DLGAP3: variants seen among roughly 807,000 people sequenced by gnomAD.
DLGAP3 encodes disks large-associated protein 3.
In DLGAP3, 17 loss-of-function variants were observed where a neutral mutation model predicts 81.2. The observed-to-expected ratio is 0.21, with a 90% CI of 0.14 to 0.31. The LOEUF (loss-of-function observed/expected upper bound fraction) is 0.31, where lower values mean the gene tolerates loss of function less well. DLGAP3 is among the 10% of genes least tolerant of loss of function. The pLI is 1.00. For synonymous variants in DLGAP3, 577 were observed against 587.4 expected, an observed-to-expected ratio of 0.98 and a Z score of 0.26; for missense variants, 1,124 against 1,388.0, an observed-to-expected ratio of 0.81 and a Z score of 3.02.
Position 34,900,205 on chromosome 1 carries a change from C to A in DLGAP3, c.1176G>T (p.Met392Ile). The change falls in exon 4 of 12, where the codon ATG (methionine) becomes ATT (isoleucine). Residue 392 changes from methionine (M) to isoleucine (I), a missense_variant. Met to Ile is a conservative substitution (Grantham distance 10, BLOSUM62 1). Coordinates refer to ENST00000373347, the MANE Select transcript of DLGAP3 (RefSeq NM_001080418.3). The surrounding 1 kb of genome is among the most constrained non-coding windows in gnomAD (Gnocchi z 5.6). ...TGGCTTTGATGTAGCTGCCGCTCCGCATCCTGCGGCAGGGGATCTCCCCAT... is the reference window on the plus strand; with the variant it reads ...TGGCTTTGATGTAGCTGCCGCTCCGAATCCTGCGGCAGGGGATCTCCCCAT... ...GKDGEIPCRR[M>I]RSGSYIKAMG... 1 of 1,614,146 alleles carries A rather than the reference C, an allele frequency of 6.2e-7. No homozygotes were observed. The highest frequency in any genetic ancestry group is 8.5e-7 in the Non-Finnish European group (1 of 1,180,018).
At chr1:34,920,747 G>A (rs936928098) in intron 1 of DLGAP3, among the ~76,000 whole-genome samples, 6 of 151,986 alleles carry the variant, frequency 3.9e-5, no homozygotes, top group East Asian at 1.9e-4. Flanking sequence ...AATATGTATC[G>A]ACTGCCTACT....
chr1:34,895,359 C>A lies in DLGAP3; in HGVS notation c.1386+4310G>T, dbSNP rs1284047491. Reference sequence around the variant, plus strand: ...CTCCTACCTGGGCGACAGAGCGAGACTGTCTCAAAAAAAAAAAAAAATTAA... The same window carrying A: ...CTCCTACCTGGGCGACAGAGCGAGAATGTCTCAAAAAAAAAAAAAAATTAA... On this transcript the variant is annotated intron_variant, in intron 5 of 11. Coordinates refer to ENST00000373347, the MANE Select transcript of DLGAP3 (RefSeq NM_001080418.3). The surrounding 1 kb of genome is among the most constrained non-coding windows in gnomAD (Gnocchi z 4.5). Among the ~76,000 whole-genome samples the A allele has an allele frequency of 5.6e-5, 8 of 143,834 alleles. No homozygotes were observed. Among genetic ancestry groups the A allele is most frequent in the Non-Finnish European group, 9.0e-5 (6 of 66,746 alleles). The allele number at this position is 143,834 out of a possible 152,430, so 94.4% of individuals were successfully genotyped here. A position where few individuals can be genotyped will look rare whatever the true frequency, so the allele number is the denominator to read the frequency against.
Position 34,868,713 on chromosome 1 carries a change from G to A in DLGAP3, c.2377C>T (p.Arg793Cys), listed in dbSNP as rs755600491. The A allele has an allele frequency of 8.7e-6, 14 of 1,610,674 alleles. No individual in the cohort carries two copies. The highest frequency in any genetic ancestry group is 4.0e-5 in the African/African-American group (3 of 74,932). Reference protein sequence around the residue: ...PDSGRASPCPRDGEWFIKMLR... With the variant: ...PDSGRASPCPCDGEWFIKMLR... The stretch of plus-strand genomic sequence containing the variant: ...ATCTTGATGAACCACTCGCCGTCGC[G>A]TGGGCAGGGGGATGCGCGGCCTGAG... Residue 793 changes from arginine (R) to cysteine (C), a missense_variant, in exon 9 of 12, where the codon CGC becomes TGC. Physicochemically the swap from Arg to Cys is radical, Grantham distance 180. Around this residue, in one of 9 missense-constraint regions of DLGAP3, gnomAD observed 379 missense variants for 455.7 expected, o/e 0.83. Transcript: ENST00000373347. This position sits in a 1 kb window ranked among gnomAD's most constrained non-coding sequence, Gnocchi z 7.5.
chr1:34,870,975 C>G (rs1314743717), intron 8 of DLGAP3, among the ~76,000 whole-genome samples: 1 of 152,200 alleles, frequency 6.6e-6, no homozygotes, highest in Non-Finnish European at 1.5e-5. Context: ...ACATATACAT[C>G]TAAAAATACA....
chr1:34,880,380 A>G (rs1352498122), intron 8 of DLGAP3, among the ~76,000 whole-genome samples: 1 of 152,200 alleles, frequency 6.6e-6, no homozygotes, highest in Admixed American at 6.5e-5. Flanking sequence ...AAAATATACA[A>G]ACCTCAGGCA....
At chr1:34,886,470 T>G (rs1405036531) in intron 5 of DLGAP3, among the ~76,000 whole-genome samples, 185 bp from the exon 6 acceptor site, 2 of 152,218 alleles carry the variant, frequency 1.3e-5, no homozygotes, top group Non-Finnish European at 2.9e-5. Flanking sequence ...TGCCCCACTC[T>G]GCTCCCAAGG....
chr1:34,890,617 G>T (rs1312343988), intron 5 of DLGAP3, among the ~76,000 whole-genome samples: 2 of 152,204 alleles, frequency 1.3e-5, no homozygotes, highest in Non-Finnish European at 2.9e-5. Flanking sequence ...GAGTAGCCCT[G>T]TAGTGAGTCT....
Position 34,866,289 on chromosome 1 carries a change from CCTT to C in DLGAP3, c.2731_2733del (p.Lys911del), listed in dbSNP as rs771547387. 5.2e-6 allele frequency: 8 copies of C among 1,526,766 alleles called. No homozygotes were observed. In the East Asian group the frequency reaches 9.8e-5, roughly 19 times the overall value. 94.6% of individuals were successfully genotyped at this position (1,526,766 alleles called of 1,614,324 possible). ...GGCTTCTTTGGTATCGGCGGAGGGA[CCTT>C]CTTCTCCTCCTGCGGGGCAGAGGGC... On this transcript the variant is annotated inframe_deletion, in exon 12 of 12. Coordinates refer to ENST00000373347, the MANE Select transcript of DLGAP3 (RefSeq NM_001080418.3).
chr1:34,910,321 T>A (rs535586793), intron 1 of DLGAP3, among the ~76,000 whole-genome samples: 2 of 152,348 alleles, frequency 1.3e-5, no homozygotes, highest in African/African-American at 4.8e-5. Flanking sequence ...CCTGCCTGCA[T>A]GTCTGCACGT....
chr1:34,925,185 C>A (rs973163391), intron 1 of DLGAP3, among the ~76,000 whole-genome samples: 1 of 98,920 alleles, frequency 1.0e-5, no homozygotes, highest in Non-Finnish European at 1.7e-5. Flanking sequence ...ACCTGACAAC[C>A]CCCCCCCCAC....
intron 8 of DLGAP3, among the ~76,000 whole-genome samples, chr1:34,882,064 A>AGAG (rs1463492277): frequency 6.6e-6 from 1 of 152,210 alleles, no homozygotes; most frequent in Non-Finnish European, 1.5e-5. Flanking sequence ...TTCACAGAAA[A>AGAG]ATAACTGACT....
At position 34,905,407 on chromosome 1, in the gene DLGAP3, G is replaced by C. The variant is rs1276482605; in HGVS notation, c.-24C>G. ...ATGGCCTCAGCAAAGGCTCTTCATA[G>C]TCTTGGGGGCCAGGCCCCAGGAACC... On this transcript the variant is annotated 5_prime_UTR_variant, in exon 3 of 12. Coordinates refer to ENST00000373347, the MANE Select transcript of DLGAP3 (RefSeq NM_001080418.3). The C allele has an allele frequency of 6.5e-7, 1 of 1,540,558 alleles. No homozygotes were observed. The highest frequency in any genetic ancestry group is 1.4e-5 in the African/African-American group (1 of 72,580).
In DLGAP3 at chr1:34,905,420, G is replaced by A; in HGVS notation, c.-37C>T. The A allele has an allele frequency of 6.5e-7, 1 of 1,528,572 alleles. No homozygotes were observed. The allele number at this position is 1,528,572 out of a possible 1,614,324, so 94.7% of individuals were successfully genotyped here. ...AGGCTCTTCATAGTCTTGGGGGCCA[G>A]GCCCCAGGAACCTCCTGGAAAAATA... On this transcript the variant is annotated 5_prime_UTR_variant, in exon 3 of 12. Transcript: ENST00000373347.
chr1:34,869,459 G>C (rs1638945187), intron 8 of DLGAP3, among the ~76,000 whole-genome samples: 2 of 150,448 alleles, frequency 1.3e-5, no homozygotes, highest in Non-Finnish European at 3.0e-5. Flanking sequence ...CTCTTTACCA[G>C]TGAAGGCAGA....
intron 7 of DLGAP3, 23 bp downstream of exon 7, chr1:34,885,455 G>A: frequency 6.2e-7 from 1 of 1,603,758 alleles, no homozygotes. Context: ...CAGAGCCCTC[G>A]TGGGCGCCTC....
Position 34,886,203 on chromosome 1 carries a change from A to C in DLGAP3, c.1469T>G (p.Leu490Arg). 1 of 1,611,454 alleles carries C rather than the reference A, an allele frequency of 6.2e-7. No homozygotes were observed. The change falls in exon 6 of 12, where the codon CTG (leucine) becomes CGG (arginine). Residue 490 changes from leucine (L) to arginine (R), a missense_variant. Leu to Arg is a moderately radical substitution (Grantham distance 102). Around this residue, in one of 9 missense-constraint regions of DLGAP3, gnomAD observed 357 missense variants for 408.8 expected, o/e 0.87. Coordinates refer to ENST00000373347, the MANE Select transcript of DLGAP3 (RefSeq NM_001080418.3). ...CATGCGGAAACAGCCGGGCAGGTCCAGGGCGTCCACGGCCTGGGACTCCAG... is the reference window on the plus strand; with the variant it reads ...CATGCGGAAACAGCCGGGCAGGTCCCGGGCGTCCACGGCCTGGGACTCCAG... Reference protein sequence around the residue: ...GELESQAVDALDLPGCFRMRS... With the variant: ...GELESQAVDARDLPGCFRMRS...
intron 8 of DLGAP3, among the ~76,000 whole-genome samples, chr1:34,884,167 C>T (rs1639185000): frequency 6.6e-6 from 1 of 152,078 alleles, no homozygotes; most frequent in East Asian, 1.9e-4. Context: ...GATCCACCCA[C>T]CCTGGCCTTC....
At chr1:34,924,033 T>A (rs1311030166) in intron 1 of DLGAP3, among the ~76,000 whole-genome samples, 1 of 152,148 alleles carries the variant, frequency 6.6e-6, no homozygotes, top group Non-Finnish European at 1.5e-5. Flanking sequence ...CTGCCTGTTG[T>A]TCCCCTACAG....
chr1:34,886,051 G>A lies in DLGAP3; in HGVS notation c.1600+21C>T, dbSNP rs371701268. 8.9e-4 allele frequency: 1,409 copies of A among 1,581,048 alleles called. 17 individuals carry two copies. In the South Asian group the frequency reaches 0.015, roughly 17 times the overall value. The stretch of plus-strand genomic sequence containing the variant: ...CGCTCTCCTGCCTAGGGCCGGGCCA[G>A]GGGCAGGAAGGTGTACTCACAGGAG... On this transcript the variant is annotated intron_variant, in intron 6 of 11. Coordinates refer to ENST00000373347, the MANE Select transcript of DLGAP3 (RefSeq NM_001080418.3).
Sources: allele counts gnomAD v4.1 joint callset (sites outside exome capture counted in the v4.1 genomes callset), GRCh38; gene constraint gnomAD v4.1.1; regional missense constraint gnomAD v4.1.1; non-coding constraint Gnocchi (gnomAD v3.1); transcripts MANE v1.5; gene names NCBI Gene and HGNC (gene_info 2026-07-23, HGNC 2026-07-21).